CCDC66: variants seen among roughly 807,000 people sequenced by gnomAD.
CCDC66 encodes coiled-coil domain-containing protein 66.
In CCDC66, 133 loss-of-function variants were observed where a neutral mutation model predicts 128.3. That is an observed-to-expected ratio of 1.04 (90% CI 0.90 to 1.20). CCDC66 has a LOEUF of 1.20. Ranked by LOEUF, CCDC66 falls within the 50% of genes most tolerant of loss-of-function variation. The pLI, the probability that CCDC66 is intolerant of heterozygous loss-of-function variation, is 0.00. For synonymous variants in CCDC66, 387 were observed against 357.0 expected (o/e 1.08, Z -0.95); for missense variants, 1,126 against 1,075.5 (o/e 1.05, Z -0.66).
intron 1 of CCDC66, 147 bp downstream of exon 1, chr3:56,557,400 G>A: frequency 9.0e-7 from 1 of 1,106,554 alleles, no homozygotes; most frequent in East Asian, 2.6e-5. Flanking sequence ...CCCAGTTCTC[G>A]GGTAGAAGAT....
intron 7 of CCDC66, among the ~76,000 whole-genome samples, chr3:56,574,604 C>G (rs1449293116): frequency 6.6e-6 from 1 of 151,646 alleles, no homozygotes. Context: ...GTCACCAAAG[C>G]CTTGAGTGTT....
At chr3:56,566,155 T>A (rs73081811) in intron 4 of CCDC66, among the ~76,000 whole-genome samples, 1 of 148,406 alleles carries the variant, frequency 6.7e-6, no homozygotes, top group Non-Finnish European at 1.5e-5. Flanking sequence ...AGACGACATC[T>A]GGCCCAGACT....
chr3:56,559,563 T>C lies in CCDC66; in HGVS notation c.77-6T>C. 1 of 1,530,462 alleles carries C rather than the reference T, an allele frequency of 6.5e-7. No homozygotes were observed. The highest frequency in any genetic ancestry group is 1.2e-5 in the South Asian group (1 of 80,708). The allele number at this position is 1,530,462 out of a possible 1,614,324, so 94.8% of individuals were successfully genotyped here. ...ATAGTTTAGTAATTTCTTTTTTCTTTTGTAGAACATAAATCAAAAATTTCT... is the reference window on the plus strand; with the variant it reads ...ATAGTTTAGTAATTTCTTTTTTCTTCTGTAGAACATAAATCAAAAATTTCT... On this transcript the variant is annotated splice_polypyrimidine_tract_variant and splice_region_variant and intron_variant, in intron 2 of 17. Transcript: ENST00000394672.
chr3:56,566,997 G>A lies in CCDC66; in HGVS notation c.758G>A (p.Arg253Lys), dbSNP rs2065943940. 6.2e-7 allele frequency: 1 copy of A among 1,614,166 alleles called. No homozygotes were observed. ...GATATATTCAGTACTCTGGGGGAAA[G>A]GGAATGTGATAGAAGTTCGTTGGAA... is the stretch of plus-strand genomic sequence containing the variant. ...PADIFSTLGE[R>K]ECDRSSLEAK... The change falls in exon 6 of 18, where the codon AGG becomes AAG. Residue 253 changes from arginine to lysine, a missense_variant. By Grantham distance (26) the Arg-to-Lys change is conservative. Transcript: ENST00000394672.
intron 14 of CCDC66, 114 bp from the exon 15 acceptor site, chr3:56,618,058 C>G (rs2075744013): frequency 2.4e-6 from 2 of 841,398 alleles, no homozygotes; most frequent in Non-Finnish European, 4.0e-6. Context: ...TCAGTCAGTA[C>G]CTGTTATTCA....
chr3:56,613,810 T>A, intron 11 of CCDC66, 60 bp downstream of exon 11: 1 of 1,433,908 alleles, frequency 7.0e-7, no homozygotes, highest in Non-Finnish European at 9.6e-7. Flanking sequence ...AGACAGGGTC[T>A]CACTCTTTTG....
In CCDC66 at chr3:56,617,285, G is replaced by A. The variant is rs2075641075; in HGVS notation, c.2017G>A (p.Glu673Lys). 1.2e-6 allele frequency: 2 copies of A among 1,613,246 alleles called. No homozygotes were observed. Among genetic ancestry groups the A allele is most frequent in the African/African-American group, 1.3e-5 (1 of 74,762 alleles). The change falls in exon 14 of 18, where the codon GAA becomes AAA. Residue 673 changes from glutamate (E) to lysine (K), a missense_variant. Coordinates refer to ENST00000394672, the MANE Select transcript of CCDC66 (RefSeq NM_001141947.3). The part of the protein sequence containing the change: ...TQDKGASLEK[E>K]NNRCNDQCNQ... ...GGATAAAGGAGCCAGCTTAGAAAAA[G>A]AAAACAATCGGTGTAATGACCAGTG... is the stretch of plus-strand genomic sequence containing the variant.
chr3:56,567,918 C>G (rs1027538652), intron 6 of CCDC66, among the ~76,000 whole-genome samples: 4 of 152,092 alleles, frequency 2.6e-5, no homozygotes, highest in Non-Finnish European at 4.4e-5. Context: ...TCTTGATCTC[C>G]TGACCTCATG....
At chr3:56,612,396 G>A (rs936995043) in intron 10 of CCDC66, among the ~76,000 whole-genome samples, 1 of 152,196 alleles carries the variant, frequency 6.6e-6, no homozygotes, top group Non-Finnish European at 1.5e-5. Context: ...CAGTCGTTAG[G>A]TTGCAGGATG....
At chr3:56,614,553 C>T (rs1440830828) in intron 11 of CCDC66, among the ~76,000 whole-genome samples, 1 of 152,156 alleles carries the variant, frequency 6.6e-6, no homozygotes, top group African/African-American at 2.4e-5. Flanking sequence ...GTGGTGCAGA[C>T]AAGATAGGTA....
At chr3:56,579,471 T>C (rs890709897) in intron 7 of CCDC66, among the ~76,000 whole-genome samples, 2 of 151,844 alleles carry the variant, frequency 1.3e-5, no homozygotes. Flanking sequence ...GTGTTTGCTC[T>C]TGCTTCTCTA....
Position 56,571,260 on chromosome 3 carries a change from T to A in CCDC66, c.894T>A (p.Asp298Glu). The A allele has an allele frequency of 1.3e-6, 2 of 1,544,358 alleles. No homozygotes were observed. Among genetic ancestry groups the A allele is most frequent in the South Asian group, 1.2e-5 (1 of 84,436 alleles). The change falls in exon 7 of 18, where the codon GAT becomes GAA. Residue 298 changes from aspartate to glutamate, a missense_variant. Coordinates refer to ENST00000394672, the MANE Select transcript of CCDC66 (RefSeq NM_001141947.3). ...ATCCTTGGAAAAAATCTGAAAGTGATAAAATAATATGGGAAAAACATCAAA... is the reference window on the plus strand; with the variant it reads ...ATCCTTGGAAAAAATCTGAAAGTGAAAAAATAATATGGGAAAAACATCAAA... ...WNDPWKKSES[D>E]KIIWEKHQIL...
At chr3:56,567,147 T>A (rs112310084) in intron 6 of CCDC66, 94 bp downstream of exon 6, 11 of 866,476 alleles carry the variant, frequency 1.3e-5, no homozygotes, top group Non-Finnish European at 9.4e-6. Context: ...ATACCAGCAC[T>A]TTGGGAAGCC....
At chr3:56,601,305 G>A (rs929249769) in intron 10 of CCDC66, among the ~76,000 whole-genome samples, 1 of 151,984 alleles carries the variant, frequency 6.6e-6, no homozygotes, top group African/African-American at 2.4e-5. Flanking sequence ...TTATTTCTGA[G>A]GCCTCTCTTC....
rs79029154 is a variant in CCDC66, at chr3:56,618,304, T to C, written c.2378+92T>C. ...AAGATCTGGACAGCATCATATGGTA[T>C]ATGTAGAGAACAATCAGAAAGGGTG... On this transcript the variant is annotated intron_variant, in intron 15 of 17. Coordinates refer to ENST00000394672, the MANE Select transcript of CCDC66 (RefSeq NM_001141947.3). The C allele has an allele frequency of 5.8e-4, 650 of 1,118,458 alleles. 8 individuals are homozygous for C. The East Asian group carries it at 0.014, about 25-fold the overall frequency. The allele number at this position is 1,118,458 out of a possible 1,614,324, so 69.3% of individuals were successfully genotyped here. A position where few individuals can be genotyped will look rare whatever the true frequency, so the allele number is the denominator to read the frequency against.
At chr3:56,573,722 C>T (rs151074616) in intron 7 of CCDC66, among the ~76,000 whole-genome samples, 67 of 151,848 alleles carry the variant, frequency 4.4e-4, no homozygotes, top group African/African-American at 1.6e-3. Context: ...CTGTTTAGCC[C>T]TTAGGCTAAA....
At chr3:56,608,398 C>G (rs1175957531) in intron 10 of CCDC66, among the ~76,000 whole-genome samples, 2 of 152,018 alleles carry the variant, frequency 1.3e-5, no homozygotes, top group African/African-American at 2.4e-5. Context: ...TCTAGGTTTT[C>G]TAGTTTATGT....
At chr3:56,612,856 C>G (rs1171955489) in intron 10 of CCDC66, among the ~76,000 whole-genome samples, 1 of 152,196 alleles carries the variant, frequency 6.6e-6, no homozygotes. Context: ...CAAGGCTGGG[C>G]AGACCTGCCC....
chr3:56,575,260 T>A (rs1425893209), intron 7 of CCDC66, among the ~76,000 whole-genome samples: 1 of 151,852 alleles, frequency 6.6e-6, no homozygotes, highest in Non-Finnish European at 1.5e-5. Context: ...CAACACTTAC[T>A]TTCTGATTTA....
Sources: gnomAD v4.1 joint callset for allele counts (sites outside exome capture counted in the v4.1 genomes callset) on GRCh38, gnomAD v4.1.1 for gene constraint, MANE v1.5 for transcripts, NCBI Gene and HGNC (gene_info 2026-07-23, HGNC 2026-07-21) for gene names.